MAGI3: variants seen among roughly 807,000 people sequenced by gnomAD.
MAGI3 encodes membrane-associated guanylate kinase, WW and PDZ domain-containing protein 3.
A neutral mutation model predicts 121.8 loss-of-function variants in MAGI3; 43 were observed. The ratio of observed to expected loss-of-function variants is 0.35; its 90% CI spans 0.28 to 0.46. MAGI3 has a LOEUF of 0.46. Ranked by LOEUF, MAGI3 falls within the 20% of genes least tolerant of loss-of-function variation. The pLI is 1.00. For missense variants in MAGI3, 1,547 were observed against 1,797.3 expected (o/e 0.86, Z 2.52); for synonymous variants, 553 against 639.3 (o/e 0.86, Z 2.04).
At chr1:113,534,374 C>G (rs1352885477) in intron 1 of MAGI3, among the ~76,000 whole-genome samples, 1 of 152,172 alleles carries the variant, frequency 6.6e-6, no homozygotes, top group African/African-American at 2.4e-5. Flanking sequence ...ATCCTTCTTT[C>G]ATCTGAGCCT....
At chr1:113,577,542 T>A (rs1466247171) in intron 2 of MAGI3, among the ~76,000 whole-genome samples, 1 of 151,610 alleles carries the variant, frequency 6.6e-6, no homozygotes, top group Non-Finnish European at 1.5e-5. Flanking sequence ...AGATAAATTT[T>A]ATGGAATGCG....
At chr1:113,653,575 GA>G (rs921750189) in intron 14 of MAGI3, among the ~76,000 whole-genome samples, 64 of 145,400 alleles carry the variant, frequency 4.4e-4, no homozygotes, top group Admixed American at 6.9e-4. Context: ...CCATCTCGGG[GA>G]AAAAAAAAAA....
At chr1:113,649,208 T>G (rs750389042) in intron 12 of MAGI3, 29 bp from the exon 13 acceptor site, 1 of 1,509,242 alleles carries the variant, frequency 6.6e-7, no homozygotes, top group Non-Finnish European at 9.1e-7. Context: ...AAATAAATCA[T>G]AGTATTTATA....
At chr1:113,398,072 A>G (rs1187219375) in intron 1 of MAGI3, among the ~76,000 whole-genome samples, 1 of 152,184 alleles carries the variant, frequency 6.6e-6, no homozygotes, top group Non-Finnish European at 1.5e-5. Context: ...ACTCAGCTGC[A>G]TTGCAGTGGT....
chr1:113,548,773 C>T (rs1659646090), intron 1 of MAGI3, among the ~76,000 whole-genome samples: 1 of 152,230 alleles, frequency 6.6e-6, no homozygotes, highest in East Asian at 1.9e-4. Context: ...TGGTGGGCAG[C>T]AGGAAGGAGA....
chr1:113,683,115 C>T lies in MAGI3; in HGVS notation c.3547C>T (p.His1183Tyr). 1 of 1,613,324 alleles carries T rather than the reference C, an allele frequency of 6.2e-7. No individual in the cohort carries two copies. The highest frequency in any genetic ancestry group is 8.5e-7 in the Non-Finnish European group (1 of 1,179,646). The change falls in exon 21 of 21, where the codon CAT (histidine) becomes TAT (tyrosine). Residue 1183 changes from histidine to tyrosine, a missense_variant. Transcript: ENST00000307546. Reference sequence around the variant, plus strand: ...AAATGAAAATCAGCCTGAGATAAAGCATCAGTCTCTTCTCCAGAAAAATGT... The same window carrying T: ...AAATGAAAATCAGCCTGAGATAAAGTATCAGTCTCTTCTCCAGAAAAATGT... The part of the protein sequence containing the change: ...TLNENQPEIK[H>Y]QSLLQKNVSK...
rs547297616 is a variant in MAGI3 at position 113,636,717 on chromosome 1, G to A, written c.1361-5194G>A. Among the ~76,000 whole-genome samples, 1,040 of 152,116 alleles carry A rather than the reference G, an allele frequency of 6.8e-3. 13 individuals carry two copies. Among genetic ancestry groups the A allele is most frequent in the African/African-American group, 0.023 (951 of 41,444 alleles). On this transcript the variant is annotated intron_variant, in intron 9 of 20. Coordinates refer to ENST00000307546, the MANE Select transcript of MAGI3 (RefSeq NM_001142782.2). ...AATGTATATTCTGTTGATTTGGGGTGGAGAGTTCTGTAGATGTCTATTAGG... is the reference window on the plus strand; with the variant it reads ...AATGTATATTCTGTTGATTTGGGGTAGAGAGTTCTGTAGATGTCTATTAGG...
chr1:113,673,134 A>C (rs1156950540), intron 18 of MAGI3, among the ~76,000 whole-genome samples, 188 bp from the exon 19 acceptor site: 1 of 152,246 alleles, frequency 6.6e-6, no homozygotes, highest in Non-Finnish European at 1.5e-5. Flanking sequence ...TGTAACCTTC[A>C]GATTAATTTA....
intron 1 of MAGI3, among the ~76,000 whole-genome samples, chr1:113,496,623 G>T (rs1239771321): frequency 6.6e-6 from 1 of 152,126 alleles, no homozygotes; most frequent in Non-Finnish European, 1.5e-5. Flanking sequence ...GTATAATTAT[G>T]ATTGCATTTT....
intron 1 of MAGI3, among the ~76,000 whole-genome samples, chr1:113,425,324 C>T (rs924816576): frequency 1.5e-5 from 2 of 136,718 alleles, no homozygotes; most frequent in Non-Finnish European, 3.1e-5. Context: ...GCTCTGTCGC[C>T]CAGGCTAGAG....
At chr1:113,607,194 T>C (rs1408281220) in intron 6 of MAGI3, among the ~76,000 whole-genome samples, 1 of 152,224 alleles carries the variant, frequency 6.6e-6, no homozygotes, top group Non-Finnish European at 1.5e-5. Flanking sequence ...TTTTTCATAA[T>C]GTTGTTACTG....
chr1:113,575,872 T>C (rs1413276407), intron 2 of MAGI3, among the ~76,000 whole-genome samples: 3 of 152,140 alleles, frequency 2.0e-5, no homozygotes, highest in Non-Finnish European at 4.4e-5. Flanking sequence ...CTGCCTTTCT[T>C]TCAGAGATGC....
chr1:113,663,117 C>G (rs1466622964), intron 16 of MAGI3, among the ~76,000 whole-genome samples: 1 of 151,792 alleles, frequency 6.6e-6, no homozygotes, highest in East Asian at 1.9e-4. Context: ...CCCAGCTACT[C>G]GGGAGGCTGA....
At chr1:113,681,114 G>C in intron 19 of MAGI3, 84 bp from the exon 20 acceptor site, 1 of 1,512,998 alleles carries the variant, frequency 6.6e-7, no homozygotes, top group Non-Finnish European at 8.9e-7. Context: ...ACTTAGCAAG[G>C]TTGAATGGCT....
chr1:113,399,869 C>A (rs868319623), intron 1 of MAGI3, among the ~76,000 whole-genome samples: 1 of 151,962 alleles, frequency 6.6e-6, no homozygotes, highest in Non-Finnish European at 1.5e-5. Context: ...AAATTCTAAA[C>A]GAATTACTTT....
At position 113,617,412 on chromosome 1, in the gene MAGI3, A is replaced by G. The variant is rs558219686; in HGVS notation, c.1077-2324A>G. On this transcript the variant is annotated intron_variant, in intron 7 of 20. Transcript: ENST00000307546. ...GTTGTGTCTTAATAATAGTGTAGGT[A>G]TAAGTAATTAAATGAAAAGGACAGT... 2.0e-4 allele frequency among the ~76,000 whole-genome samples: 31 copies of G among 152,338 alleles called. 2 individuals are homozygous for G. Among genetic ancestry groups the G allele is most frequent in the Admixed American group, 7.8e-4 (12 of 15,294 alleles).
At chr1:113,614,878 T>G (rs1650362828) in intron 7 of MAGI3, among the ~76,000 whole-genome samples, 1 of 152,114 alleles carries the variant, frequency 6.6e-6, no homozygotes, top group Non-Finnish European at 1.5e-5. Flanking sequence ...AGGGGGAAGT[T>G]GCCTAGACAA....
At chr1:113,615,194 A>T (rs1650382567) in intron 7 of MAGI3, among the ~76,000 whole-genome samples, 1 of 152,104 alleles carries the variant, frequency 6.6e-6, no homozygotes, top group Non-Finnish European at 1.5e-5. Flanking sequence ...ATAAATATAT[A>T]TTGGAGAGGA....
chr1:113,614,774 A>G (rs762539026), intron 7 of MAGI3, 116 bp downstream of exon 7: 237 of 685,466 alleles, frequency 3.5e-4, no homozygotes, highest in Admixed American at 7.1e-4. Context: ...GAGTTTTTCA[A>G]CTAGGGGAAT....
Sources: allele counts gnomAD v4.1 joint callset (sites outside exome capture counted in the v4.1 genomes callset), GRCh38; gene constraint gnomAD v4.1.1; transcripts MANE v1.5; gene names NCBI Gene and HGNC (gene_info 2026-07-23, HGNC 2026-07-21).